ATP8B2: variants seen among roughly 807,000 people sequenced by gnomAD.
ATP8B2 encodes the protein phospholipid-transporting ATPase ID.
Under a neutral mutation model 133.4 loss-of-function variants are expected in ATP8B2, and 70 were observed. That is an observed-to-expected ratio of 0.52 (90% CI 0.43 to 0.64). ATP8B2 has a LOEUF of 0.64. ATP8B2 is among the 30% of genes least tolerant of loss of function. ATP8B2 has a pLI of 0.00. For missense variants in ATP8B2, 1,101 were observed against 1,535.7 expected (o/e 0.72, Z 4.73); for synonymous variants, 517 against 589.5 (o/e 0.88, Z 1.78).
At chr1:154,348,742 CTG>C in intron 27 of ATP8B2, 96 bp from the exon 28 acceptor site, 2 of 1,422,122 alleles carry the variant, frequency 1.4e-6, no homozygotes, top group Non-Finnish European at 1.9e-6. Flanking sequence ...TCGGAGGCCT[CTG>C]TGTCAGCCTG....
At position 154,328,463 on chromosome 1, in the gene ATP8B2, T is replaced by C. The variant is rs1685865612; in HGVS notation, c.31+291T>C. On this transcript the variant is annotated intron_variant, in intron 2 of 27. Transcript: ENST00000368489. This position sits in a 1 kb window ranked among gnomAD's most constrained non-coding sequence, Gnocchi z 4.6. Reference sequence around the variant, plus strand: ...TCTGGCCTAGGGAGCTGTGTTCTCATCTCTGCTTGGTCCTCTCACCCCTTC... The same window carrying C: ...TCTGGCCTAGGGAGCTGTGTTCTCACCTCTGCTTGGTCCTCTCACCCCTTC... Among the ~76,000 whole-genome samples the C allele has an allele frequency of 6.6e-6, 1 of 152,174 alleles. No homozygotes were observed. The highest frequency in any genetic ancestry group is 6.5e-5 in the Admixed American group (1 of 15,280).
At position 154,346,861 on chromosome 1, in the gene ATP8B2, G is replaced by A; in HGVS notation, c.3163+103G>A. 1 of 1,305,606 alleles carries A rather than the reference G, an allele frequency of 7.7e-7. No homozygotes were observed. Among genetic ancestry groups the A allele is most frequent in the Non-Finnish European group, 1.0e-6 (1 of 953,158 alleles). 80.9% of individuals were successfully genotyped at this position (1,305,606 alleles called of 1,614,324 possible). A position where few individuals can be genotyped will look rare whatever the true frequency, so the allele number is the denominator to read the frequency against. ...ACATTCAACATTTCTTATGTGCCAA[G>A]TATTCTGTTTATTTTATTTATTTAT... On this transcript the variant is annotated intron_variant, in intron 26 of 27. Coordinates refer to ENST00000368489, the MANE Select transcript of ATP8B2 (RefSeq NM_001370597.1). This position sits in a 1 kb window ranked among gnomAD's most constrained non-coding sequence, Gnocchi z 4.5.
rs1009943151 is a variant in ATP8B2, at chr1:154,349,192, C to T, written c.*74C>T. On this transcript the variant is annotated 3_prime_UTR_variant, in exon 28 of 28. Coordinates refer to ENST00000368489, the MANE Select transcript of ATP8B2 (RefSeq NM_001370597.1). ...GCCAGTCACTGAGGGAACAGCGTCT[C>T]GGAACTGCTGGTCCTCATTCCTTGC... is the stretch of plus-strand genomic sequence containing the variant. The T allele has an allele frequency of 1.9e-5, 29 of 1,529,028 alleles. No homozygotes were observed. Among genetic ancestry groups the T allele is most frequent in the South Asian group, 3.7e-5 (3 of 80,966 alleles). The allele number at this position is 1,529,028 out of a possible 1,614,324, so 94.7% of individuals were successfully genotyped here. A position where few individuals can be genotyped will look rare whatever the true frequency, so the allele number is the denominator to read the frequency against.
chr1:154,330,059 T>C (rs1685929237), intron 2 of ATP8B2, among the ~76,000 whole-genome samples: 1 of 152,110 alleles, frequency 6.6e-6, no homozygotes, highest in Non-Finnish European at 1.5e-5. Context: ...GCATTAGTAA[T>C]AGCAGCAAAA....
rs774113392 is a variant in ATP8B2 at position 154,344,617 on chromosome 1, A to C, written c.2142-24A>C. The C allele has an allele frequency of 3.7e-6, 6 of 1,607,108 alleles. No homozygotes were observed. The highest frequency in any genetic ancestry group is 5.1e-6 in the Non-Finnish European group (6 of 1,174,246). On this transcript the variant is annotated intron_variant, in intron 20 of 27. Transcript: ENST00000368489. The surrounding 1 kb of genome is among the most constrained non-coding windows in gnomAD (Gnocchi z 4.1). Reference sequence around the variant, plus strand: ...CCCACTGCCGTTCTGGAAGACCACAACCGTATCATTTCCACCTCGACAGGA... The same window carrying C: ...CCCACTGCCGTTCTGGAAGACCACACCCGTATCATTTCCACCTCGACAGGA...
chr1:154,332,916 G>A (rs145853249), intron 9 of ATP8B2, among the ~76,000 whole-genome samples: 1 of 152,304 alleles, frequency 6.6e-6, no homozygotes, highest in Non-Finnish European at 1.5e-5. Flanking sequence ...CTCCCCACTT[G>A]CTATGCATGT....
At position 154,334,400 on chromosome 1, in the gene ATP8B2, G is replaced by T; in HGVS notation, c.749-103G>T. 6.6e-7 allele frequency: 1 copy of T among 1,513,644 alleles called. No homozygotes were observed. Among genetic ancestry groups the T allele is most frequent in the Non-Finnish European group, 9.1e-7 (1 of 1,099,966 alleles). 93.8% of individuals were successfully genotyped at this position (1,513,644 alleles called of 1,614,324 possible). A position where few individuals can be genotyped will look rare whatever the true frequency, so the allele number is the denominator to read the frequency against. On this transcript the variant is annotated intron_variant, in intron 10 of 27. Coordinates refer to ENST00000368489, the MANE Select transcript of ATP8B2 (RefSeq NM_001370597.1). The surrounding 1 kb of genome is among the most constrained non-coding windows in gnomAD (Gnocchi z 4.6). The stretch of plus-strand genomic sequence containing the variant: ...TGTATACAGGCTTCTTATCTAGCCA[G>T]TATCTCTATTCCACCCTGGTGTCCT...
intron 26 of ATP8B2, among the ~76,000 whole-genome samples, chr1:154,348,176 G>A (rs1369232875): frequency 2.6e-5 from 4 of 152,118 alleles, no homozygotes; most frequent in Admixed American, 6.6e-5. Flanking sequence ...TTTGGGCCAC[G>A]GGAAATTCAA....
intron 11 of ATP8B2, among the ~76,000 whole-genome samples, chr1:154,336,694 A>C (rs1408727571): frequency 6.6e-6 from 1 of 151,390 alleles, no homozygotes; most frequent in Non-Finnish European, 1.5e-5. Flanking sequence ...ATGGGGTTTC[A>C]CCATGTTGGC....
rs530459501 is a variant in ATP8B2, at chr1:154,345,017, C to A, written c.2333C>A (p.Ala778Glu). 1 of 1,614,080 alleles carries A rather than the reference C, an allele frequency of 6.2e-7. No individual in the cohort carries two copies. Among genetic ancestry groups the A allele is most frequent in the Non-Finnish European group, 8.5e-7 (1 of 1,179,986 alleles). ...ADMELEFLET[A>E]CACKAVICCR... Reference sequence around the variant, plus strand: ...ATGGAGCTGGAGTTTCTGGAGACAGCGTGTGCCTGCAAAGCTGTCATCTGC... The same window carrying A: ...ATGGAGCTGGAGTTTCTGGAGACAGAGTGTGCCTGCAAAGCTGTCATCTGC... Residue 778 changes from alanine to glutamate, a missense_variant, in exon 22 of 28, where the codon GCG becomes GAG. Transcript: ENST00000368489. This position sits in a 1 kb window ranked among gnomAD's most constrained non-coding sequence, Gnocchi z 5.6.
Sources: allele counts gnomAD v4.1 joint callset (sites outside exome capture counted in the v4.1 genomes callset), GRCh38; gene constraint gnomAD v4.1.1; non-coding constraint Gnocchi (gnomAD v3.1); transcripts MANE v1.5; gene names NCBI Gene and HGNC (gene_info 2026-07-23, HGNC 2026-07-21).